The following LRP1B variants were observed in gnomAD, a reference collection of about 807,000 sequenced individuals.
The protein encoded by LRP1B is low-density lipoprotein receptor-related protein 1B.
A neutral mutation model predicts 556.6 loss-of-function variants in LRP1B; 217 were observed. That is an observed-to-expected ratio of 0.39 (90% CI 0.35 to 0.44). The LOEUF (loss-of-function observed/expected upper bound fraction) is 0.44. Ranked by LOEUF, LRP1B falls within the 20% of genes least tolerant of loss-of-function variation. The pLI, the probability that LRP1B is intolerant of heterozygous loss-of-function variation, is 1.00. For missense variants in LRP1B, 5,053 were observed against 5,620.8 expected (o/e 0.90, Z 3.23); for synonymous variants, 2,047 against 1,865.8 (o/e 1.10, Z -2.50).
At chr2:140,423,375 T>A (rs1685527854) in intron 66 of LRP1B, among the ~76,000 whole-genome samples, 2 of 152,170 alleles carry the variant, frequency 1.3e-5, no homozygotes, top group Non-Finnish European at 2.9e-5. Flanking sequence ...AGCTTTTTTT[T>A]AATTAAAAAT....
chr2:142,026,622 C>T (rs1703514369), intron 1 of LRP1B, among the ~76,000 whole-genome samples: 2 of 151,836 alleles, frequency 1.3e-5, no homozygotes, highest in African/African-American at 4.8e-5. Flanking sequence ...ACAGTGATGC[C>T]AGTTGGCATT....
intron 32 of LRP1B, among the ~76,000 whole-genome samples, chr2:140,808,306 T>A (rs1690797444): frequency 6.6e-6 from 1 of 150,728 alleles, no homozygotes; most frequent in Non-Finnish European, 1.5e-5. Flanking sequence ...ATTAACCTTA[T>A]CACCTGGGAA....
At chr2:140,459,587 C>T (rs778248447) in intron 60 of LRP1B, among the ~76,000 whole-genome samples, 2 of 152,184 alleles carry the variant, frequency 1.3e-5, no homozygotes, top group Non-Finnish European at 2.9e-5. Flanking sequence ...GCAGTAACTA[C>T]AGGTGATATT....
intron 87 of LRP1B, among the ~76,000 whole-genome samples, chr2:140,243,757 A>T (rs893171143): frequency 1.9e-4 from 28 of 150,990 alleles, no homozygotes; most frequent in African/African-American, 6.5e-4. Flanking sequence ...ATACCAGCAC[A>T]CTGGTCTTCT....
At chr2:140,371,696 A>T (rs898963022) in intron 69 of LRP1B, among the ~76,000 whole-genome samples, 1 of 151,884 alleles carries the variant, frequency 6.6e-6, no homozygotes, top group South Asian at 2.1e-4. Context: ...ATATTTAGCA[A>T]CCTTTGAGTA....
At chr2:141,937,574 T>C (rs1700674027) in intron 1 of LRP1B, among the ~76,000 whole-genome samples, 1 of 151,728 alleles carries the variant, frequency 6.6e-6, no homozygotes. Flanking sequence ...CAGATGTATG[T>C]GTGTGTATGT....
At chr2:140,501,998 A>C in intron 54 of LRP1B, 124 bp from the exon 55 acceptor site, 1 of 659,974 alleles carries the variant, frequency 1.5e-6, no homozygotes, top group Non-Finnish European at 2.4e-6. Context: ...GTTTATATAA[A>C]ATCTTTTACA....
At chr2:141,620,644 A>T (rs534353918) in intron 2 of LRP1B, among the ~76,000 whole-genome samples, 1 of 152,314 alleles carries the variant, frequency 6.6e-6, no homozygotes, top group Non-Finnish European at 1.5e-5. Flanking sequence ...ATTTTAAAGA[A>T]ATATTTTCTG....
chr2:142,048,572 C>G (rs1408858721), intron 1 of LRP1B, among the ~76,000 whole-genome samples: 4 of 152,008 alleles, frequency 2.6e-5, no homozygotes, highest in Non-Finnish European at 5.9e-5. Flanking sequence ...TATTTTGTCA[C>G]AAAGATACAG....
rs1004455160 is a variant in LRP1B, at chr2:141,254,436, T to C, written c.463+86A>G. On this transcript the variant is annotated intron_variant, in intron 4 of 90. Coordinates refer to ENST00000389484, the MANE Select transcript of LRP1B (RefSeq NM_018557.3). ...GTTAACATAAACACTGTAGAGCACA[T>C]GGTAGGTGCTCAAAGATGTCTGCTT... 5.2e-6 allele frequency: 7 copies of C among 1,353,942 alleles called. No individual in the cohort carries two copies. The African/African-American group carries it at 5.8e-5, about 11-fold the overall frequency. 83.9% of individuals were successfully genotyped at this position (1,353,942 alleles called of 1,614,324 possible). A position where few individuals can be genotyped will look rare whatever the true frequency, so the allele number is the denominator to read the frequency against.
At chr2:141,764,343 G>A (rs925724441) in intron 2 of LRP1B, among the ~76,000 whole-genome samples, 4 of 152,064 alleles carry the variant, frequency 2.6e-5, no homozygotes, top group African/African-American at 9.7e-5. Context: ...ACCACATCCA[G>A]CTAATTTTTG....
chr2:140,710,229 A>G (rs1686984901), intron 37 of LRP1B, among the ~76,000 whole-genome samples: 1 of 152,072 alleles, frequency 6.6e-6, no homozygotes, highest in Non-Finnish European at 1.5e-5. Flanking sequence ...GAAATAAAAA[A>G]AATCTGACAA....
intron 35 of LRP1B, among the ~76,000 whole-genome samples, chr2:140,767,284 A>G (rs1167376344): frequency 1.3e-5 from 2 of 152,056 alleles, no homozygotes; most frequent in Non-Finnish European, 2.9e-5. Context: ...TAGAAGAAGA[A>G]ATAGCTTTTC....
rs146708493 is a variant in LRP1B, at chr2:141,646,179, T to G, written c.205+164100A>C. Among the ~76,000 whole-genome samples the G allele has an allele frequency of 1.4e-3, 213 of 152,304 alleles. 1 individual carries two copies. The highest frequency in any genetic ancestry group is 4.9e-3 in the African/African-American group (205 of 41,572). Reference sequence around the variant, plus strand: ...AAAATCAGGGTAGAGTTTCCAACAGTTACATCTTAGCTTTTATATTCATTT... The same window carrying G: ...AAAATCAGGGTAGAGTTTCCAACAGGTACATCTTAGCTTTTATATTCATTT... On this transcript the variant is annotated intron_variant, in intron 2 of 90. Transcript: ENST00000389484.
At chr2:140,291,229 C>A (rs955428931) in intron 84 of LRP1B, among the ~76,000 whole-genome samples, 2 of 146,222 alleles carry the variant, frequency 1.4e-5, no homozygotes, top group African/African-American at 4.9e-5. Flanking sequence ...TTGCTGCTTA[C>A]TCTTCTCATC....
chr2:140,249,003 TTAAAA>T (rs1681292265), intron 86 of LRP1B, among the ~76,000 whole-genome samples: 1 of 149,982 alleles, frequency 6.7e-6, no homozygotes, highest in South Asian at 2.1e-4. Context: ...GAATTATTGA[TTAAAA>T]TATCAAAATT....
rs560053730 is a variant in LRP1B, at chr2:141,599,557, G to A, written c.206-119024C>T. ...CTGGAACTTGCAACTATTACTATCA[G>A]AATGCATGGATCGATTGAAGTTTTT... On this transcript the variant is annotated intron_variant, in intron 2 of 90. Coordinates refer to ENST00000389484, the MANE Select transcript of LRP1B (RefSeq NM_018557.3). Among the ~76,000 whole-genome samples, 133 of 152,178 alleles carry A rather than the reference G, an allele frequency of 8.7e-4. 1 individual carries two copies. The highest frequency in any genetic ancestry group is 4.4e-3 in the Admixed American group (67 of 15,264).
chr2:141,436,070 T>C (rs1680754132), intron 3 of LRP1B, among the ~76,000 whole-genome samples: 1 of 152,332 alleles, frequency 6.6e-6, no homozygotes, highest in East Asian at 1.9e-4. Context: ...CACAGACTCT[T>C]TCTGTTCTTT....
chr2:141,920,276 T>A (rs1700148714), intron 1 of LRP1B, among the ~76,000 whole-genome samples: 1 of 109,592 alleles, frequency 9.1e-6, no homozygotes, highest in African/African-American at 3.6e-5. Flanking sequence ...TCTTCTTTTT[T>A]TTTGGGGGGG....
Sources: allele counts gnomAD v4.1 joint callset (sites outside exome capture counted in the v4.1 genomes callset), GRCh38; gene constraint gnomAD v4.1.1; transcripts MANE v1.5; gene names NCBI Gene and HGNC (gene_info 2026-07-23, HGNC 2026-07-21).